The following TOX variants were observed in gnomAD, a reference collection of about 807,000 sequenced individuals.
The protein encoded by TOX is thymocyte selection-associated high mobility group box protein TOX.
Under a neutral mutation model 53.7 loss-of-function variants are expected in TOX, and 11 were observed. That is an observed-to-expected ratio of 0.20 (90% CI 0.13 to 0.34). The LOEUF (loss-of-function observed/expected upper bound fraction) is 0.34, where lower values mean the gene tolerates loss of function less well. Ranked by LOEUF, TOX falls within the 10% of genes least tolerant of loss-of-function variation. The pLI is 1.00. For missense variants in TOX, 570 were observed against 664.6 expected (o/e 0.86, Z 1.56); for synonymous variants, 225 against 245.3 (o/e 0.92, Z 0.77).
At chr8:59,001,341 G>A (rs1275505502) in intron 1 of TOX, among the ~76,000 whole-genome samples, 2 of 152,072 alleles carry the variant, frequency 1.3e-5, no homozygotes, top group Non-Finnish European at 2.9e-5. Flanking sequence ...CTTACATGGC[G>A]TTAAGTATTT....
chr8:58,931,859 A>G (rs866344661), intron 3 of TOX, among the ~76,000 whole-genome samples: 3 of 152,238 alleles, frequency 2.0e-5, no homozygotes, highest in Middle Eastern at 3.2e-3. Flanking sequence ...AAGAACTCCT[A>G]TATACCAAGT....
intron 3 of TOX, among the ~76,000 whole-genome samples, chr8:58,883,576 A>G (rs1811419747): frequency 6.6e-6 from 1 of 152,206 alleles, no homozygotes; most frequent in South Asian, 2.1e-4. Flanking sequence ...CAAAGCTTTG[A>G]TTAATAGTGT....
chr8:58,908,200 A>G (rs761080901), intron 3 of TOX, among the ~76,000 whole-genome samples: 3 of 152,090 alleles, frequency 2.0e-5, no homozygotes, highest in Admixed American at 1.3e-4. Context: ...AGGTGAGACA[A>G]TTTTGTGATC....
At chr8:58,935,034 G>A (rs1250466817) in intron 3 of TOX, among the ~76,000 whole-genome samples, 2 of 152,110 alleles carry the variant, frequency 1.3e-5, no homozygotes, top group African/African-American at 2.4e-5. Context: ...CTAAATTGTT[G>A]ATGTCTAATA....
chr8:58,971,438 G>C (rs1813000631), intron 1 of TOX, among the ~76,000 whole-genome samples: 1 of 152,216 alleles, frequency 6.6e-6, no homozygotes, highest in Non-Finnish European at 1.5e-5. Context: ...TTGGGAACGA[G>C]AGTAAAAATT....
chr8:59,021,527 TAGATAG>T (rs1169613137), intron 1 of TOX, among the ~76,000 whole-genome samples: 1 of 139,958 alleles, frequency 7.1e-6, no homozygotes, highest in African/African-American at 2.6e-5. Flanking sequence ...CAGATATATA[TAGATAG>T]AGATAGAGAT....
intron 3 of TOX, among the ~76,000 whole-genome samples, chr8:58,884,828 T>C (rs1373586658): frequency 2.0e-5 from 3 of 152,188 alleles, no homozygotes; most frequent in Non-Finnish European, 4.4e-5. Context: ...ACTTTTATAG[T>C]CACAATCACT....
In TOX at chr8:58,851,334, G is replaced by A. The variant is rs1398535679; in HGVS notation, c.693+190C>T. Among the ~76,000 whole-genome samples the A allele has an allele frequency of 1.3e-5, 2 of 152,028 alleles. No individual in the cohort carries two copies. The highest frequency in any genetic ancestry group is 1.3e-4 in the Admixed American group (2 of 15,260). ...ACATCTATATTTAAAGGATTTCTCA[G>A]GGGCTTTAAAGTGTAATTGGACAAG... On this transcript the variant is annotated intron_variant, in intron 4 of 8. Transcript: ENST00000361421. This position sits in a 1 kb window ranked among gnomAD's most constrained non-coding sequence, Gnocchi z 4.4.
intron 3 of TOX, among the ~76,000 whole-genome samples, chr8:58,896,366 C>A (rs1018712291): frequency 1.3e-5 from 2 of 152,064 alleles, no homozygotes; most frequent in African/African-American, 4.8e-5. Context: ...TCAGAATATA[C>A]CATATTAGCA....
chr8:59,081,696 A>G (rs1804410739), intron 1 of TOX, among the ~76,000 whole-genome samples: 1 of 152,224 alleles, frequency 6.6e-6, no homozygotes, highest in Non-Finnish European at 1.5e-5. Flanking sequence ...TAATAACTGG[A>G]ACTTGTCAGG....
At chr8:59,100,264 C>T (rs1804784438) in intron 1 of TOX, among the ~76,000 whole-genome samples, 1 of 152,120 alleles carries the variant, frequency 6.6e-6, no homozygotes, top group South Asian at 2.1e-4. Flanking sequence ...AAACACATGG[C>T]CTAATTCTGC....
chr8:59,009,858 T>A (rs894903039), intron 1 of TOX, among the ~76,000 whole-genome samples: 1 of 152,144 alleles, frequency 6.6e-6, no homozygotes, highest in Non-Finnish European at 1.5e-5. Context: ...ATTTGCAGCA[T>A]TGCACCAGCA....
intron 3 of TOX, among the ~76,000 whole-genome samples, chr8:58,868,588 A>T (rs1467193196): frequency 6.6e-6 from 1 of 152,166 alleles, no homozygotes; most frequent in Non-Finnish European, 1.5e-5. Context: ...TACTTAAAAA[A>T]TAGTTATTTA....
intron 3 of TOX, among the ~76,000 whole-genome samples, chr8:58,887,473 T>A (rs979401865): frequency 6.6e-6 from 1 of 151,916 alleles, no homozygotes; most frequent in Non-Finnish European, 1.5e-5. Context: ...TTCATTTTCT[T>A]TCTATCTTTT....
chr8:58,879,539 G>A (rs1009532051), intron 3 of TOX, among the ~76,000 whole-genome samples: 2 of 124,230 alleles, frequency 1.6e-5, no homozygotes, highest in Non-Finnish European at 3.3e-5. Context: ...TAGTTATTAC[G>A]TCAAACAAAT....
At chr8:59,004,933 A>G (rs1460313718) in intron 1 of TOX, among the ~76,000 whole-genome samples, 3 of 152,364 alleles carry the variant, frequency 2.0e-5, no homozygotes, top group Admixed American at 1.3e-4. Context: ...GTAGTAGCCT[A>G]TATCTGGAAT....
At chr8:58,914,595 T>C (rs1811969625) in intron 3 of TOX, among the ~76,000 whole-genome samples, 1 of 152,144 alleles carries the variant, frequency 6.6e-6, no homozygotes, top group Admixed American at 6.5e-5. Context: ...GCCAGAACTG[T>C]TGCTAACATC....
chr8:59,027,485 T>G (rs553851718), intron 1 of TOX, among the ~76,000 whole-genome samples: 1 of 152,294 alleles, frequency 6.6e-6, no homozygotes, highest in South Asian at 2.1e-4. Flanking sequence ...AAAGATGATT[T>G]AAAACATGAA....
At chr8:59,049,596 C>T (rs1803753989) in intron 1 of TOX, among the ~76,000 whole-genome samples, 1 of 152,154 alleles carries the variant, frequency 6.6e-6, no homozygotes, top group African/African-American at 2.4e-5. Flanking sequence ...AGCAATTATT[C>T]AGCCAGCTGA....
Sources: allele counts gnomAD v4.1 joint callset (sites outside exome capture counted in the v4.1 genomes callset), GRCh38; gene constraint gnomAD v4.1.1; non-coding constraint Gnocchi (gnomAD v3.1); transcripts MANE v1.5; gene names NCBI Gene and HGNC (gene_info 2026-07-23, HGNC 2026-07-21).